Variants in KANSL3 observed in about 807,000 individuals in gnomAD.
KANSL3 encodes the protein NSL complex protein NSL3.
KANSL3 carries 16 observed loss-of-function variants against 89.2 expected under a neutral mutation model. The ratio of observed to expected loss-of-function variants is 0.18; its 90% CI spans 0.12 to 0.27. The LOEUF is 0.27. Ranked by LOEUF, KANSL3 falls within the 10% of genes least tolerant of loss-of-function variation. The probability of loss-of-function intolerance (pLI) is 1.00; values close to 1 mark genes in which losing one functional copy is unlikely to be tolerated. For missense variants in KANSL3, 879 were observed against 1,110.6 expected (o/e 0.79, Z 2.96); for synonymous variants, 385 against 419.7 (o/e 0.92, Z 1.01).
intron 16 of KANSL3, among the ~76,000 whole-genome samples, 190 bp downstream of exon 16, chr2:96,604,589 G>A (rs1330883122): frequency 4.6e-5 from 7 of 152,184 alleles, no homozygotes; most frequent in African/African-American, 7.2e-5. Flanking sequence ...GCCAGGGGAC[G>A]ATTTGGAGTC....
intron 14 of KANSL3, among the ~76,000 whole-genome samples, chr2:96,607,636 C>T (rs962625684): frequency 2.6e-5 from 4 of 152,222 alleles, no homozygotes; most frequent in South Asian, 2.1e-4. Flanking sequence ...TCCACTCACA[C>T]TTCTACTCCT....
At chr2:96,606,708 A>G (rs1001987102) in intron 14 of KANSL3, 1 of 255,224 alleles carries the variant, frequency 3.9e-6, no homozygotes, top group African/African-American at 2.3e-5. Context: ...AAAAAGCAGC[A>G]GAGCCAAGAC....
chr2:96,637,234 T>G, intron 1 of KANSL3, 49 bp from the exon 2 acceptor site: 1 of 690,424 alleles, frequency 1.4e-6, no homozygotes, highest in Non-Finnish European at 2.4e-6. Context: ...CCTAAATTTC[T>G]CCCAATCTAC....
Position 96,598,908 on chromosome 2 carries a change from C to CAA in KANSL3, c.2616+2733_2616+2734dup, listed in dbSNP as rs10551331. 1.2e-3 allele frequency among the ~76,000 whole-genome samples: 55 copies of CAA among 44,964 alleles called. 1 individual carries two copies. The highest frequency in any genetic ancestry group is 2.0e-3 in the Non-Finnish European group (45 of 22,708). 29.5% of individuals were successfully genotyped at this position (44,964 alleles called of 152,430 possible). A position where few individuals can be genotyped will look rare whatever the true frequency, so the allele number is the denominator to read the frequency against. On this transcript the variant is annotated intron_variant, in intron 20 of 20. Coordinates refer to ENST00000431828, the MANE Select transcript of KANSL3 (RefSeq NM_001115016.3). ...CTGGGTGACAAGAGTGAGACTGTCT[C>CAA]AAAAAAAAAAAAAAAAAAAAAAAAA...
At chr2:96,601,477 T>C in intron 20 of KANSL3, 166 bp downstream of exon 20, 1 of 1,382,134 alleles carries the variant, frequency 7.2e-7, no homozygotes, top group Non-Finnish European at 9.3e-7. Context: ...AAGATGTCCA[T>C]GATTCGCTCA....
the KANSL3 span, among the ~76,000 whole-genome samples, chr2:96,585,738 A>G: frequency 6.6e-6 from 1 of 151,414 alleles, no homozygotes; most frequent in Non-Finnish European, 1.5e-5. Context: ...AGAGTGGATA[A>G]AAAAAAAATG....
At chr2:96,631,913 GCA>G (rs779112000) in intron 2 of KANSL3, among the ~76,000 whole-genome samples, 3 of 151,990 alleles carry the variant, frequency 2.0e-5, no homozygotes, top group Non-Finnish European at 4.4e-5. Context: ...TGGGCATGTG[GCA>G]CACACCTGTG....
chr2:96,609,904 T>C (rs928710752), intron 11 of KANSL3, among the ~76,000 whole-genome samples: 14 of 130,998 alleles, frequency 1.1e-4, no homozygotes, highest in African/African-American at 1.5e-4. Context: ...TGAGCTGAGA[T>C]TGCACCACTG....
intron 14 of KANSL3, chr2:96,607,127 G>T: frequency 1.1e-6 from 1 of 908,410 alleles, no homozygotes; most frequent in Non-Finnish European, 1.5e-6. Context: ...AAAAAAGGTT[G>T]TAGAAAATGG....
chr2:96,603,071 C>T (rs1236106512), intron 17 of KANSL3, among the ~76,000 whole-genome samples: 1 of 152,168 alleles, frequency 6.6e-6, no homozygotes, highest in Non-Finnish European at 1.5e-5. Flanking sequence ...CAGACACTGC[C>T]CCGGACTTGC....
At chr2:96,606,579 T>C in intron 14 of KANSL3, 1 of 175,330 alleles carries the variant, frequency 5.7e-6, no homozygotes, top group Non-Finnish European at 1.2e-5. Context: ...GGAAAGGAGT[T>C]TCAGGTTCTA....
chr2:96,610,787 G>A lies in KANSL3; in HGVS notation c.1258C>T (p.Arg420Trp). The A allele has an allele frequency of 6.2e-7, 1 of 1,613,902 alleles. No homozygotes were observed. Among genetic ancestry groups the A allele is most frequent in the Non-Finnish European group, 8.5e-7 (1 of 1,179,842 alleles). ...CTGTTCTCAGCTCGAATCTTCTCCC[G>A]GAAGTCCTCCATGGCTTCAGGGTGA... ...QCHPEAMEDF[R>W]EKIRAENSLV... is the part of the protein sequence containing the mutation. Residue 420 changes from arginine (R) to tryptophan (W), a missense_variant, in exon 11 of 21, where the codon CGG becomes TGG. By Grantham distance (101) the Arg-to-Trp change is moderately radical. Transcript: ENST00000431828.
chr2:96,630,049 T>C (rs959376514), intron 3 of KANSL3, among the ~76,000 whole-genome samples: 1 of 152,190 alleles, frequency 6.6e-6, no homozygotes, highest in Non-Finnish European at 1.5e-5. Context: ...ATGGAGAAAC[T>C]AGAACTCTCA....
chr2:96,620,197 C>A (rs1384511391), intron 3 of KANSL3, among the ~76,000 whole-genome samples: 1 of 152,116 alleles, frequency 6.6e-6, no homozygotes, highest in East Asian at 1.9e-4. Context: ...TTTTAATGTA[C>A]TAAAATCTCA....
chr2:96,604,118 C>T (rs2067601558), intron 17 of KANSL3, 132 bp downstream of exon 17: 3 of 978,494 alleles, frequency 3.1e-6, no homozygotes, highest in Non-Finnish European at 4.2e-6. Context: ...TCACGTCAAG[C>T]CTCTATGATC....
In KANSL3 at chr2:96,601,760, G is replaced by C; in HGVS notation, c.2499C>G (p.Thr833=). 1.3e-6 allele frequency: 2 copies of C among 1,574,276 alleles called. No homozygotes were observed. Among genetic ancestry groups the C allele is most frequent in the Non-Finnish European group, 8.6e-7 (1 of 1,161,640 alleles). Residue 833 remains threonine, a synonymous_variant, in exon 20 of 21, where the codon ACC becomes ACG. Coordinates refer to ENST00000431828, the MANE Select transcript of KANSL3 (RefSeq NM_001115016.3). ...GGCCACGAAGTGTCAGAGTAATGGT[G>C]GTGGGGACCTTCAAGCCTGAGATAA... ...SNQASGLKVP[T]TITLTLRGQP...
chr2:96,631,197 G>A, intron 3 of KANSL3, 115 bp downstream of exon 3: 1 of 754,514 alleles, frequency 1.3e-6, no homozygotes, highest in Non-Finnish European at 2.2e-6. Context: ...AGACTTTGGA[G>A]AACACTCTGA....
chr2:96,610,647 G>A (rs1023003548), intron 11 of KANSL3, 79 bp downstream of exon 11: 86 of 1,523,456 alleles, frequency 5.6e-5, no homozygotes, highest in Non-Finnish European at 7.5e-5. Flanking sequence ...AGACTGGTCT[G>A]TAGTTACATT....
Position 96,605,365 on chromosome 2 carries a change from T to C in KANSL3, c.1888A>G (p.Thr630Ala), listed in dbSNP as rs2067820785. The C allele has an allele frequency of 6.2e-7, 1 of 1,613,714 alleles. No homozygotes were observed. Among genetic ancestry groups the C allele is most frequent in the East Asian group, 2.2e-5 (1 of 44,882 alleles). The change falls in exon 15 of 21, where the codon ACA becomes GCA. Residue 630 changes from threonine to alanine, a missense_variant. This residue lies in a region of KANSL3 where 317 missense variants were observed against 311.2 expected (regional missense o/e 1.02). Transcript: ENST00000431828. ...GAAGGAGCACAAGGCCCTCCAGCTG[T>C]GTCCCCTTGGGAGATAAGGGACACC... ...IKVSLISQGD[T>A]AGGPCAPSQG... is the part of the protein sequence containing the mutation.
Sources: gnomAD v4.1 joint callset for allele counts (sites outside exome capture counted in the v4.1 genomes callset) on GRCh38, gnomAD v4.1.1 for gene constraint, gnomAD v4.1.1 regional missense constraint, MANE v1.5 for transcripts, NCBI Gene and HGNC (gene_info 2026-07-23, HGNC 2026-07-21) for gene names.